The following PRKN variants were observed in gnomAD, a reference collection of about 807,000 sequenced individuals.
The protein encoded by PRKN is E3 ubiquitin-protein ligase parkin.
A neutral mutation model predicts 59.5 loss-of-function variants in PRKN; 56 were observed. The observed-to-expected ratio is 0.94, with a 90% CI of 0.76 to 1.18. The LOEUF (loss-of-function observed/expected upper bound fraction) is 1.18, where lower values mean the gene tolerates loss of function less well. Ranked by LOEUF, PRKN falls within the 50% of genes most tolerant of loss-of-function variation. The pLI, the probability that PRKN is intolerant of heterozygous loss-of-function variation, is 0.00. For synonymous variants in PRKN, 250 were observed against 222.1 expected, an observed-to-expected ratio of 1.13 and a Z score of -1.12; for missense variants, 657 against 596.4, an observed-to-expected ratio of 1.10 and a Z score of -1.06.
intron 1 of PRKN, among the ~76,000 whole-genome samples, chr6:162,547,369 A>C (rs1779163483): frequency 6.6e-6 from 1 of 152,302 alleles, no homozygotes; most frequent in Admixed American, 6.5e-5. Context: ...TGTTACAGCC[A>C]AATTTTATCA....
At chr6:162,384,199 T>C (rs1364982930) in intron 2 of PRKN, among the ~76,000 whole-genome samples, 1 of 152,232 alleles carries the variant, frequency 6.6e-6, no homozygotes. Flanking sequence ...AGGCCTAGTT[T>C]TCAACCTGTC....
At chr6:162,133,557 G>C (rs1283283517) in intron 4 of PRKN, among the ~76,000 whole-genome samples, 2 of 152,128 alleles carry the variant, frequency 1.3e-5, no homozygotes, top group African/African-American at 4.8e-5. Flanking sequence ...TGGAGAAAGG[G>C]AGAGAAATAG....
chr6:162,544,369 A>C (rs1277588074), intron 1 of PRKN, among the ~76,000 whole-genome samples: 1 of 152,182 alleles, frequency 6.6e-6, no homozygotes, highest in African/African-American at 2.4e-5. Context: ...ACAGAATTAA[A>C]TAGAGATTCT....
chr6:162,038,611 A>T (rs1783937684), intron 5 of PRKN, among the ~76,000 whole-genome samples: 1 of 152,224 alleles, frequency 6.6e-6, no homozygotes, highest in Non-Finnish European at 1.5e-5. Flanking sequence ...GCTATTGTCT[A>T]CTAGGCTACA....
intron 5 of PRKN, among the ~76,000 whole-genome samples, chr6:162,046,490 C>T (rs900787338): frequency 6.6e-6 from 1 of 152,160 alleles, no homozygotes; most frequent in Non-Finnish European, 1.5e-5. Flanking sequence ...GGAAAGATGG[C>T]GTCATAGACT....
intron 1 of PRKN, among the ~76,000 whole-genome samples, chr6:162,527,396 G>A (rs1778330527): frequency 1.3e-5 from 2 of 152,052 alleles, no homozygotes; most frequent in Admixed American, 1.3e-4. Flanking sequence ...GTACATTCGA[G>A]GATTTTTTTT....
intron 4 of PRKN, among the ~76,000 whole-genome samples, chr6:162,179,966 TACTGTG>T (rs1381225378): frequency 2.8e-5 from 3 of 108,062 alleles, no homozygotes; most frequent in Non-Finnish European, 5.5e-5. Flanking sequence ...GTTATCTTAT[TACTGTG>T]TGTGTGTGTG....
At chr6:161,976,824 A>G (rs1781051141) in intron 5 of PRKN, among the ~76,000 whole-genome samples, 1 of 152,238 alleles carries the variant, frequency 6.6e-6, no homozygotes, top group Admixed American at 6.5e-5. Flanking sequence ...ATAGATAGAA[A>G]GCACTTACGT....
chr6:162,470,094 G>A (rs1026896953), intron 1 of PRKN, among the ~76,000 whole-genome samples: 6 of 152,076 alleles, frequency 3.9e-5, no homozygotes, highest in South Asian at 2.1e-4. Context: ...GAAGCATCTC[G>A]TGAGGAAGTC....
intron 3 of PRKN, among the ~76,000 whole-genome samples, chr6:162,203,669 GAGGAA>G (rs1784826082): frequency 6.6e-6 from 1 of 152,148 alleles, no homozygotes; most frequent in South Asian, 2.1e-4. Context: ...ATAACTCTTA[GAGGAA>G]TGGCAAGGCA....
At chr6:162,443,184 G>A (rs1790142317) in intron 2 of PRKN, 126 bp downstream of exon 2, 1 of 957,586 alleles carries the variant, frequency 1.0e-6, no homozygotes, top group African/African-American at 1.6e-5. Context: ...GTGGAGTAAA[G>A]TTCAAGGAAT....
intron 2 of PRKN, among the ~76,000 whole-genome samples, chr6:162,288,295 T>G (rs1460850176): frequency 6.6e-6 from 1 of 152,144 alleles, no homozygotes; most frequent in African/African-American, 2.4e-5. Flanking sequence ...AGGTAGCTCT[T>G]GAGTGTCTCA....
At chr6:162,044,917 G>C (rs1784195823) in intron 5 of PRKN, among the ~76,000 whole-genome samples, 1 of 152,156 alleles carries the variant, frequency 6.6e-6, no homozygotes. Context: ...TATTCACAGA[G>C]GGAAGTCCTT....
intron 3 of PRKN, among the ~76,000 whole-genome samples, chr6:162,257,553 C>T (rs111931173): frequency 3.0e-4 from 46 of 152,146 alleles, no homozygotes; most frequent in African/African-American, 8.9e-4. Flanking sequence ...TCCCTGGGTA[C>T]GGCTTGAATT....
At chr6:161,747,175 A>T (rs9365321) in intron 7 of PRKN, among the ~76,000 whole-genome samples, 25,793 of 152,106 alleles carry the variant, frequency 0.17, 2,776 homozygotes, top group East Asian at 0.59. Context: ...TTAAAAAACA[A>T]GGCCCCTGTC....
intron 2 of PRKN, among the ~76,000 whole-genome samples, chr6:162,265,681 G>A (rs941559234): frequency 3.9e-5 from 6 of 152,066 alleles, no homozygotes; most frequent in African/African-American, 1.2e-4. Context: ...GCAAGACTCC[G>A]TTGCAAAAAA....
At chr6:161,820,219 A>G (rs6455775) in intron 6 of PRKN, among the ~76,000 whole-genome samples, 82,962 of 151,320 alleles carry the variant, frequency 0.55, 23,178 homozygotes, top group African/African-American at 0.65. Context: ...ATTCAATGGT[A>G]GTTAGCTCTG....
chr6:162,718,994 A>G (rs1778832274), intron 1 of PRKN, among the ~76,000 whole-genome samples: 1 of 152,142 alleles, frequency 6.6e-6, no homozygotes, highest in Admixed American at 6.5e-5. Context: ...ATAATGGAGA[A>G]AACTCTAGAG....
At chr6:161,591,215 T>C (rs1781713372) in intron 7 of PRKN, among the ~76,000 whole-genome samples, 1 of 152,226 alleles carries the variant, frequency 6.6e-6, no homozygotes, top group African/African-American at 2.4e-5. Flanking sequence ...TGTGGGTATC[T>C]AGTTGAAGAA....
Sources: gnomAD v4.1 joint callset for allele counts (sites outside exome capture counted in the v4.1 genomes callset) on GRCh38, gnomAD v4.1.1 for gene constraint, MANE v1.5 for transcripts, NCBI Gene and HGNC (gene_info 2026-07-23, HGNC 2026-07-21) for gene names.